Variants in FLNB observed in about 807,000 individuals in gnomAD.
FLNB encodes the protein filamin-B.
FLNB carries 111 observed loss-of-function variants against 250.6 expected under a neutral mutation model. That is an observed-to-expected ratio of 0.44 (90% CI 0.38 to 0.52). The LOEUF is 0.52. Among genes scored for constraint, FLNB ranks in the 20% least tolerant of loss-of-function variants. The probability of loss-of-function intolerance (pLI) is 0.00; values close to 1 mark genes in which losing one functional copy is unlikely to be tolerated. For missense variants in FLNB, 2,869 were observed against 3,447.8 expected (o/e 0.83, Z 4.20); for synonymous variants, 1,302 against 1,372.1 (o/e 0.95, Z 1.13).
rs151112115 is a variant in FLNB, at chr3:58,098,344, T to C, written c.1147+367T>C. Among the ~76,000 whole-genome samples, 597 of 152,258 alleles carry C rather than the reference T, an allele frequency of 3.9e-3. 7 individuals are homozygous for C. The highest frequency in any genetic ancestry group is 0.013 in the African/African-American group (560 of 41,558). ...CTGTTTACTTGTTTTGTTGTTGTTGTTGGGGGAACAGAGAATCACTCTATT... is the reference window on the plus strand; with the variant it reads ...CTGTTTACTTGTTTTGTTGTTGTTGCTGGGGGAACAGAGAATCACTCTATT... On this transcript the variant is annotated intron_variant, in intron 7 of 45. Coordinates refer to ENST00000295956, the MANE Select transcript of FLNB (RefSeq NM_001457.4).
At chr3:58,032,905 CT>C (rs2097132901) in intron 1 of FLNB, among the ~76,000 whole-genome samples, 1 of 152,066 alleles carries the variant, frequency 6.6e-6, no homozygotes, top group Non-Finnish European at 1.5e-5. Context: ...CCCATCTCTA[CT>C]CCCTTCCCCG....
chr3:58,168,289 C>T (rs2097374387), intron 43 of FLNB, 151 bp from the exon 44 acceptor site: 1 of 712,412 alleles, frequency 1.4e-6, no homozygotes, highest in African/African-American at 1.7e-5. Flanking sequence ...GTTCTCTCTG[C>T]CAGAAGTTCA....
intron 8 of FLNB, among the ~76,000 whole-genome samples, chr3:58,099,295 A>G (rs1211096046): frequency 7.9e-5 from 12 of 152,096 alleles, no homozygotes; most frequent in Admixed American, 7.9e-4. Context: ...GGCACTTACC[A>G]TGACTGCATC....
intron 41 of FLNB, among the ~76,000 whole-genome samples, chr3:58,157,528 G>A (rs893744580): frequency 2.6e-5 from 4 of 152,158 alleles, no homozygotes; most frequent in Admixed American, 1.3e-4. Flanking sequence ...GGCCTCATCC[G>A]GAGAATACCA....
intron 1 of FLNB, among the ~76,000 whole-genome samples, chr3:58,009,918 A>G (rs544460502): frequency 5.6e-4 from 86 of 152,328 alleles, no homozygotes; most frequent in African/African-American, 2.0e-3. Flanking sequence ...CCAGAGGGCC[A>G]CAAGGCTACT....
intron 3 of FLNB, among the ~76,000 whole-genome samples, chr3:58,080,464 T>C (rs1489142592): frequency 6.6e-6 from 1 of 151,220 alleles, no homozygotes; most frequent in Non-Finnish European, 1.5e-5. Flanking sequence ...GCTCCTAAGC[T>C]GAATATCAAG....
chr3:58,148,610 G>A (rs752822503), intron 35 of FLNB, 39 bp from the exon 36 acceptor site: 43 of 1,550,738 alleles, frequency 2.8e-5, no homozygotes, highest in African/African-American at 5.4e-5. Context: ...CTTCCTCTCC[G>A]CCATCCCCTT....
In FLNB at chr3:58,153,300, G is replaced by A. The variant is rs1480658556; in HGVS notation, c.6368-75G>A. On this transcript the variant is annotated intron_variant, in intron 38 of 45. Transcript: ENST00000295956. ...GCACACACCTTGCTCTCGGCTGCTTGCCCTGCATGTCCTGCCCTGTCTCAG... is the reference window on the plus strand; with the variant it reads ...GCACACACCTTGCTCTCGGCTGCTTACCCTGCATGTCCTGCCCTGTCTCAG... 100 of 1,563,406 alleles carry A rather than the reference G, an allele frequency of 6.4e-5. 2 individuals carry two copies. The highest frequency in any genetic ancestry group is 7.7e-5 in the Non-Finnish European group (87 of 1,135,716).
rs922936098 is a variant in FLNB at position 58,110,119 on chromosome 3, T to C, written c.2433T>C (p.Tyr811=). The change falls in exon 16 of 46, where the codon TAT becomes TAC. Residue 811 remains tyrosine (Y), a synonymous_variant. Transcript: ENST00000295956. ...CCAATGATACGTTCACAGTCAAATA[T>C]GTGCCTCCTGCTGCTGGGCGATACA... ...HNANDTFTVK[Y]VPPAAGRYTI... is the part of the protein sequence containing the mutation. The C allele has an allele frequency of 1.4e-5, 23 of 1,614,110 alleles. No individual in the cohort carries two copies. The highest frequency in any genetic ancestry group is 1.9e-5 in the Non-Finnish European group (22 of 1,180,042).
At chr3:58,119,982 G>C (rs922706832) in intron 19 of FLNB, among the ~76,000 whole-genome samples, 1 of 152,228 alleles carries the variant, frequency 6.6e-6, no homozygotes, top group Non-Finnish European at 1.5e-5. Context: ...AGTGGCTCCA[G>C]ACTGGATGTA....
chr3:58,079,486 C>CAG (rs1382194422), intron 3 of FLNB, among the ~76,000 whole-genome samples: 2 of 152,086 alleles, frequency 1.3e-5, no homozygotes, highest in African/African-American at 4.8e-5. Context: ...CTCCTGACCT[C>CAG]GTGATCTGCC....
At chr3:58,118,562 A>C (rs2097282957) in intron 18 of FLNB, among the ~76,000 whole-genome samples, 1 of 152,174 alleles carries the variant, frequency 6.6e-6, no homozygotes, top group Admixed American at 6.5e-5. Flanking sequence ...GACAGTAGGA[A>C]CTACCCCTTA....
intron 1 of FLNB, among the ~76,000 whole-genome samples, chr3:58,065,760 G>A (rs2097184640): frequency 6.6e-6 from 1 of 152,222 alleles, no homozygotes; most frequent in South Asian, 2.1e-4. Flanking sequence ...GCCCCAGGGT[G>A]GGCCAGACTG....
chr3:58,139,210 C>G (rs1482356355), intron 29 of FLNB, among the ~76,000 whole-genome samples: 1 of 152,132 alleles, frequency 6.6e-6, no homozygotes, highest in Non-Finnish European at 1.5e-5. Context: ...TATTCTTCAA[C>G]CAGGAAAAGG....
chr3:58,138,599 C>A (rs1035066924), intron 29 of FLNB, 70 bp downstream of exon 29: 1 of 1,590,712 alleles, frequency 6.3e-7, no homozygotes. Context: ...TTTGTTGAAC[C>A]CTGACTAGGA....
rs571037720 is a variant in FLNB, at chr3:58,097,863, G to A, written c.1033G>A (p.Val345Met). The change falls in exon 7 of 46, where the codon GTG (valine) becomes ATG (methionine). Residue 345 changes from valine (V) to methionine (M), a missense_variant. Coordinates refer to ENST00000295956, the MANE Select transcript of FLNB (RefSeq NM_001457.4). ...GCACATCTCCAAGAGCCCATTTGAA[G>A]TGAGTGTTGACAAGGCCCAGGGAGA... The part of the protein sequence containing the change: ...GQHISKSPFE[V>M]SVDKAQGDAS... 2 of 1,614,190 alleles carry A rather than the reference G, an allele frequency of 1.2e-6. No individual in the cohort carries two copies. The highest frequency in any genetic ancestry group is 1.1e-5 in the South Asian group (1 of 91,076).
In FLNB at chr3:58,125,538, G is replaced by T. The variant is rs965412005; in HGVS notation, c.3899-43G>T. 5 of 1,596,872 alleles carry T rather than the reference G, an allele frequency of 3.1e-6. No homozygotes were observed. The African/African-American group carries it at 5.4e-5, about 17-fold the overall frequency. Reference sequence around the variant, plus strand: ...AGAGAATCATTTTTCACAAATAGGGGATTTGTATGCAAATATGCGTTTCTG... The same window carrying T: ...AGAGAATCATTTTTCACAAATAGGGTATTTGTATGCAAATATGCGTTTCTG... On this transcript the variant is annotated intron_variant, in intron 22 of 45. Coordinates refer to ENST00000295956, the MANE Select transcript of FLNB (RefSeq NM_001457.4).
rs2097339941 is a variant in FLNB at position 58,148,666 on chromosome 3, C to T, written c.5905C>T (p.Arg1969Trp). Residue 1969 changes from arginine (R) to tryptophan (W), a missense_variant, in exon 36 of 46, where the codon CGG (arginine) becomes TGG (tryptophan). Physicochemically the swap from Arg to Trp is moderately radical, Grantham distance 101. Around this residue, in one of 5 missense-constraint regions of FLNB, gnomAD observed 1,084 missense variants for 1,315.5 expected, o/e 0.82. Transcript: ENST00000295956. ...TGGTCCAGGCATCTCCTTCATCCCC[C>T]GGGAAGTGGGCGAACATCTGGTCAG... ...NNHIGISFIP[R>W]EVGEHLVSIK... 6 of 1,614,074 alleles carry T rather than the reference C, an allele frequency of 3.7e-6. No homozygotes were observed. Among genetic ancestry groups the T allele is most frequent in the Middle Eastern group, 3.3e-4 (2 of 6,062 alleles).
At chr3:58,152,274 G>A (rs547087089) in intron 38 of FLNB, among the ~76,000 whole-genome samples, 5 of 152,234 alleles carry the variant, frequency 3.3e-5, no homozygotes, top group South Asian at 2.1e-4. Flanking sequence ...GATGTCCTCC[G>A]GACCCAGGTT....
Sources: gnomAD v4.1 joint callset for allele counts (sites outside exome capture counted in the v4.1 genomes callset) on GRCh38, gnomAD v4.1.1 for gene constraint, gnomAD v4.1.1 regional missense constraint, MANE v1.5 for transcripts, NCBI Gene and HGNC (gene_info 2026-07-23, HGNC 2026-07-21) for gene names.